Variants in ADCY2 observed in about 807,000 individuals in gnomAD.
The protein encoded by ADCY2 is adenylate cyclase type 2.
In ADCY2, 31 loss-of-function variants were observed where a neutral mutation model predicts 125.2. The ratio of observed to expected loss-of-function variants is 0.25; its 90% CI spans 0.19 to 0.33. ADCY2 has a LOEUF of 0.33. ADCY2 is among the 10% of genes least tolerant of loss of function. The pLI, the probability that ADCY2 is intolerant of heterozygous loss-of-function variation, is 1.00. For missense variants in ADCY2, 904 were observed against 1,418.2 expected, an observed-to-expected ratio of 0.64 and a Z score of 5.82; for synonymous variants, 512 against 548.4, an observed-to-expected ratio of 0.93 and a Z score of 0.93.
At chr5:7,681,442 G>A (rs531952508) in intron 4 of ADCY2, among the ~76,000 whole-genome samples, 1 of 152,156 alleles carries the variant, frequency 6.6e-6, no homozygotes, top group Non-Finnish European at 1.5e-5. Context: ...CAGAGGTGTG[G>A]ACATCTGCCT....
chr5:7,674,518 C>G (rs980332824), intron 4 of ADCY2, among the ~76,000 whole-genome samples: 1 of 152,226 alleles, frequency 6.6e-6, no homozygotes, highest in Non-Finnish European at 1.5e-5. Flanking sequence ...GCCTGGAAGG[C>G]TTCATTTCTA....
At chr5:7,667,377 A>C (rs1739793983) in intron 4 of ADCY2, among the ~76,000 whole-genome samples, 1 of 152,102 alleles carries the variant, frequency 6.6e-6, no homozygotes, top group Non-Finnish European at 1.5e-5. Context: ...GGCTAAAGAG[A>C]CCTCAGAACA....
intron 3 of ADCY2, among the ~76,000 whole-genome samples, chr5:7,616,952 G>A (rs1368251197): frequency 1.3e-5 from 2 of 152,154 alleles, no homozygotes; most frequent in Admixed American, 6.5e-5. Flanking sequence ...AAGAGACCCT[G>A]TGAGGTCACT....
chr5:7,555,424 T>G (rs190484191), intron 3 of ADCY2, among the ~76,000 whole-genome samples: 2 of 152,226 alleles, frequency 1.3e-5, no homozygotes, highest in Non-Finnish European at 2.9e-5. Flanking sequence ...TTTTGGCAAA[T>G]TGTTCAGATC....
At chr5:7,595,558 A>T (rs1221222260) in intron 3 of ADCY2, among the ~76,000 whole-genome samples, 1 of 152,116 alleles carries the variant, frequency 6.6e-6, no homozygotes, top group Admixed American at 6.5e-5. Flanking sequence ...TTCCCCTCTA[A>T]TGTTCAAAAC....
rs760357504 is a variant in ADCY2, at chr5:7,520,843, G to A, written c.514G>A (p.Val172Met). ...CCTCACCTCCTCCTCCCACACCATC[G>A]TGCTTAGCGTCTGCCTGTCTGCAAC... ...SVLTSSSHTI[V>M]LSVCLSATPG... The change falls in exon 3 of 25, where the codon GTG becomes ATG. Residue 172 changes from valine to methionine, a missense_variant. Val to Met is a conservative substitution (Grantham distance 21). Transcript: ENST00000338316. The A allele has an allele frequency of 5.6e-6, 9 of 1,613,994 alleles. No homozygotes were observed. The highest frequency in any genetic ancestry group is 3.3e-5 in the South Asian group (3 of 91,084).
rs2126550554 is a variant in ADCY2, at chr5:7,830,007, G to C, written c.*3136G>C. 1 of 152,178 alleles carries C rather than the reference G, an allele frequency of 6.6e-6. No individual in the cohort carries two copies. The highest frequency in any genetic ancestry group is 1.9e-4 in the East Asian group (1 of 5,184). The allele number at this position is 152,178 out of a possible 1,614,324, so 9.4% of individuals were successfully genotyped here. A position where few individuals can be genotyped will look rare whatever the true frequency, so the allele number is the denominator to read the frequency against. On this transcript the variant is annotated 3_prime_UTR_variant, in exon 25 of 25. Coordinates refer to ENST00000338316, the MANE Select transcript of ADCY2 (RefSeq NM_020546.3). ...AGGTGGGAGGATCACTTGAGCCCAG[G>C]AAGTCCAGAACGTAGTGAGCCTTGA...
chr5:7,788,296 C>A (rs1304393074), intron 19 of ADCY2, among the ~76,000 whole-genome samples: 1 of 152,156 alleles, frequency 6.6e-6, no homozygotes, highest in Non-Finnish European at 1.5e-5. Flanking sequence ...TCTCCTGCTT[C>A]AGCCTCTTGA....
At chr5:7,610,047 G>A (rs1295073198) in intron 3 of ADCY2, among the ~76,000 whole-genome samples, 1 of 152,176 alleles carries the variant, frequency 6.6e-6, no homozygotes, top group Non-Finnish European at 1.5e-5. Flanking sequence ...ACAGGGGTGG[G>A]TTGTATAAAG....
intron 2 of ADCY2, among the ~76,000 whole-genome samples, chr5:7,510,124 A>C (rs1341144377): frequency 6.6e-6 from 1 of 152,216 alleles, no homozygotes; most frequent in East Asian, 1.9e-4. Context: ...TTTCTTATTA[A>C]GTAGAAATGA....
intron 14 of ADCY2, among the ~76,000 whole-genome samples, chr5:7,728,541 A>T (rs939305636): frequency 6.6e-6 from 1 of 152,170 alleles, no homozygotes; most frequent in Non-Finnish European, 1.5e-5. Context: ...TCAGTTTTCC[A>T]TTCAAACAAA....
intron 2 of ADCY2, among the ~76,000 whole-genome samples, chr5:7,509,773 T>C (rs923524926): frequency 6.6e-6 from 1 of 152,234 alleles, no homozygotes; most frequent in African/African-American, 2.4e-5. Context: ...GGTAACTGTA[T>C]GGGAAAGATA....
chr5:7,778,799 A>G (rs534402631), intron 18 of ADCY2, among the ~76,000 whole-genome samples: 173 of 152,338 alleles, frequency 1.1e-3, no homozygotes, highest in African/African-American at 3.8e-3. Context: ...ACTGAAGGAA[A>G]GTCTTGAGGA....
chr5:7,476,197 A>T (rs1197723543), intron 2 of ADCY2, among the ~76,000 whole-genome samples: 1 of 151,948 alleles, frequency 6.6e-6, no homozygotes, highest in Non-Finnish European at 1.5e-5. Context: ...CTTGTTCCAT[A>T]TTTAGTAGGA....
intron 4 of ADCY2, among the ~76,000 whole-genome samples, chr5:7,680,209 AG>A (rs1469597384): frequency 6.6e-6 from 1 of 152,180 alleles, no homozygotes; most frequent in Non-Finnish European, 1.5e-5. Flanking sequence ...TTGTCATAAA[AG>A]GGGTTGGGGG....
At chr5:7,608,792 G>C (rs1290548079) in intron 3 of ADCY2, among the ~76,000 whole-genome samples, 1 of 152,110 alleles carries the variant, frequency 6.6e-6, no homozygotes, top group East Asian at 1.9e-4. Flanking sequence ...TATGACCTCT[G>C]TTGAGAATGC....
chr5:7,816,341 G>A (rs1223820112), intron 22 of ADCY2, among the ~76,000 whole-genome samples: 5 of 152,328 alleles, frequency 3.3e-5, no homozygotes, highest in Non-Finnish European at 7.3e-5. Flanking sequence ...GAAAGCCTGC[G>A]GTGAGCAGGG....
chr5:7,573,512 T>G (rs923959153), intron 3 of ADCY2, among the ~76,000 whole-genome samples: 90 of 151,494 alleles, frequency 5.9e-4, no homozygotes, highest in Middle Eastern at 6.8e-3. Context: ...TTATATACAT[T>G]AAAATTATTC....
intron 3 of ADCY2, among the ~76,000 whole-genome samples, chr5:7,573,593 CTTTTTTTTTTT>C (rs763347773): frequency 1.2e-5 from 1 of 86,376 alleles, no homozygotes; most frequent in African/African-American, 4.4e-5. Flanking sequence ...GGTTGATTTT[CTTTTTTTTTTT>C]TTTTTTTTTT....
Sources: gnomAD v4.1 joint callset for allele counts (sites outside exome capture counted in the v4.1 genomes callset) on GRCh38, gnomAD v4.1.1 for gene constraint, MANE v1.5 for transcripts, NCBI Gene and HGNC (gene_info 2026-07-23, HGNC 2026-07-21) for gene names.